The following MGAT5B variants were observed in gnomAD, a reference collection of about 807,000 sequenced individuals.
The protein encoded by MGAT5B is N-acetylglucosaminyl-transferase Vb.
A neutral mutation model predicts 95.1 loss-of-function variants in MGAT5B; 54 were observed. The observed-to-expected ratio is 0.57, with a 90% CI of 0.46 to 0.71. The LOEUF (loss-of-function observed/expected upper bound fraction) is 0.71, where lower values mean the gene tolerates loss of function less well. Ranked by LOEUF, MGAT5B falls within the 30% of genes least tolerant of loss-of-function variation. The probability of loss-of-function intolerance (pLI) is 0.00; values close to 1 mark genes in which losing one functional copy is unlikely to be tolerated. For missense variants in MGAT5B, 935 were observed against 1,088.6 expected (o/e 0.86, Z 1.99); for synonymous variants, 464 against 451.0 (o/e 1.03, Z -0.36).
intron 2 of MGAT5B, among the ~76,000 whole-genome samples, chr17:76,878,118 G>C (rs1266109319): frequency 6.6e-6 from 1 of 152,156 alleles, no homozygotes; most frequent in African/African-American, 2.4e-5. Context: ...GACAGTCCCG[G>C]GGCCAGTGGT....
At chr17:76,939,031 T>G (rs72887784) in intron 13 of MGAT5B, among the ~76,000 whole-genome samples, 4,941 of 39,940 alleles carry the variant, frequency 0.12, 105 homozygotes, top group South Asian at 0.22. Flanking sequence ...ATCTTGGGGG[T>G]GTGTGTGTGT....
chr17:76,939,987 TG>T (rs1177660247), intron 13 of MGAT5B, among the ~76,000 whole-genome samples: 10 of 152,198 alleles, frequency 6.6e-5, no homozygotes, highest in Non-Finnish European at 1.0e-4. Flanking sequence ...AGTTAGATGC[TG>T]AATAAATGTT....
chr17:76,887,045 C>CAAAACAA (rs112646019), intron 3 of MGAT5B, among the ~76,000 whole-genome samples: 9,452 of 151,408 alleles, frequency 0.062, 346 homozygotes, highest in African/African-American at 0.083. Flanking sequence ...GTCTGTCTCA[C>CAAAACAA]AAAACAAAAA....
chr17:76,882,960 G>A (rs1308598492), intron 3 of MGAT5B, among the ~76,000 whole-genome samples: 3 of 151,378 alleles, frequency 2.0e-5, no homozygotes, highest in Non-Finnish European at 4.4e-5. Context: ...TGATCCACCC[G>A]TTTGGCCTTC....
At chr17:76,943,380 C>T (rs1290612806) in intron 15 of MGAT5B, among the ~76,000 whole-genome samples, 7 of 152,078 alleles carry the variant, frequency 4.6e-5, no homozygotes, top group Non-Finnish European at 7.4e-5. Flanking sequence ...CCCACCCCTC[C>T]GCATAACAGC....
At chr17:76,936,284 C>A (rs4788960) in intron 12 of MGAT5B, among the ~76,000 whole-genome samples, 2 of 151,828 alleles carry the variant, frequency 1.3e-5, no homozygotes, top group African/African-American at 2.4e-5. Context: ...GGCGTGCGCC[C>A]GTAGTCCCAG....
At chr17:76,921,228 G>A (rs373881878) in intron 8 of MGAT5B, among the ~76,000 whole-genome samples, 5 of 152,192 alleles carry the variant, frequency 3.3e-5, no homozygotes, top group South Asian at 2.1e-4. Context: ...GGGTTTGGCC[G>A]GGACCACCTT....
At position 76,950,354 on chromosome 17, in the gene MGAT5B, T is replaced by C. The variant is rs1970167922; in HGVS notation, c.*1516T>C. 1 of 152,578 alleles carries C rather than the reference T, an allele frequency of 6.6e-6. No homozygotes were observed. Among genetic ancestry groups the C allele is most frequent in the African/African-American group, 2.4e-5 (1 of 41,454 alleles). The allele number at this position is 152,578 out of a possible 1,614,324, so 9.5% of individuals were successfully genotyped here. The stretch of plus-strand genomic sequence containing the variant: ...TTTTTTAAAGATTTATTTCTTGAAA[T>C]AATAAATATTTTATTGGGATGTGAG... On this transcript the variant is annotated 3_prime_UTR_variant, in exon 18 of 18. Coordinates refer to ENST00000569840, the MANE Select transcript of MGAT5B (RefSeq NM_001199172.2).
At chr17:76,894,745 T>G (rs1968004251) in intron 3 of MGAT5B, among the ~76,000 whole-genome samples, 1 of 151,206 alleles carries the variant, frequency 6.6e-6, no homozygotes, top group Non-Finnish European at 1.5e-5. Context: ...TCCCAGCTAC[T>G]CAGGAGGCTG....
At position 76,882,279 on chromosome 17, in the gene MGAT5B, C is replaced by T. The variant is rs139403699; in HGVS notation, c.310C>T (p.Leu104=). The T allele has an allele frequency of 2.2e-5, 35 of 1,612,268 alleles. No individual in the cohort carries two copies. The African/African-American group carries it at 4.1e-4, about 19-fold the overall frequency. Residue 104 remains leucine, a synonymous_variant, in exon 3 of 18, where the codon CTG becomes TTG. Transcript: ENST00000569840. ...SSELHRAGGD[L]HFPADRMPPG... Reference sequence around the variant, plus strand: ...TGAGCTGCACCGGGCCGGCGGCGACCTGCACTTTCCCGCAGACAGGTGAGG... The same window carrying T: ...TGAGCTGCACCGGGCCGGCGGCGACTTGCACTTTCCCGCAGACAGGTGAGG...
At chr17:76,895,797 C>T (rs997667098) in intron 3 of MGAT5B, among the ~76,000 whole-genome samples, 3 of 151,302 alleles carry the variant, frequency 2.0e-5, no homozygotes, top group African/African-American at 4.9e-5. Context: ...CTGCAACATA[C>T]GAATTTGAAG....
At position 76,948,082 on chromosome 17, in the gene MGAT5B, C is replaced by G; in HGVS notation, c.2176C>G (p.Leu726Val). 6.3e-7 allele frequency: 1 copy of G among 1,595,494 alleles called. No individual in the cohort carries two copies. The highest frequency in any genetic ancestry group is 8.5e-7 in the Non-Finnish European group (1 of 1,170,242). Residue 726 changes from leucine to valine, a missense_variant, in exon 17 of 18, where the codon CTC becomes GTC. This residue lies in a region of MGAT5B where 440 missense variants were observed against 523.6 expected (regional missense o/e 0.84). Coordinates refer to ENST00000569840, the MANE Select transcript of MGAT5B (RefSeq NM_001199172.2). Reference sequence around the variant, plus strand: ...CTTCCTGAACAGCCAGGACGCCTTCCTCAAGTGAGTGTTCCCCCACCCTCC... The same window carrying G: ...CTTCCTGAACAGCCAGGACGCCTTCGTCAAGTGAGTGTTCCCCCACCCTCC... Reference protein sequence around the residue: ...FPFLNSQDAFLKLQVPCDSTE... With the variant: ...FPFLNSQDAFVKLQVPCDSTE...
In MGAT5B at chr17:76,870,530, G is replaced by C. The variant is rs1227101516; in HGVS notation, c.68+1433G>C. Among the ~76,000 whole-genome samples the C allele has an allele frequency of 6.6e-6, 1 of 152,192 alleles. No homozygotes were observed. Among genetic ancestry groups the C allele is most frequent in the Non-Finnish European group, 1.5e-5 (1 of 68,028 alleles). ...CGGGCCGCTGGGTGTTTCCTGGCGC[G>C]ATTGGAAGCAGCCGCGAGACCCCAG... On this transcript the variant is annotated intron_variant, in intron 1 of 17. Transcript: ENST00000569840. This position sits in a 1 kb window ranked among gnomAD's most constrained non-coding sequence, Gnocchi z 5.0.
Position 76,905,058 on chromosome 17 carries a change from T to C in MGAT5B, c.691-111T>C, listed in dbSNP as rs1443749710. 135 of 1,212,558 alleles carry C rather than the reference T, an allele frequency of 1.1e-4. 1 individual carries two copies. Among genetic ancestry groups the C allele is most frequent in the Non-Finnish European group, 4.5e-6 (4 of 887,142 alleles). The allele number at this position is 1,212,558 out of a possible 1,614,324, so 75.1% of individuals were successfully genotyped here. A position where few individuals can be genotyped will look rare whatever the true frequency, so the allele number is the denominator to read the frequency against. ...GCCCCTTAGAAAGTGCAGGAGAAGC[T>C]GGAGCAGGCCCCAGCCTCATGGGAG... On this transcript the variant is annotated intron_variant, in intron 6 of 17. Coordinates refer to ENST00000569840, the MANE Select transcript of MGAT5B (RefSeq NM_001199172.2). This position sits in a 1 kb window ranked among gnomAD's most constrained non-coding sequence, Gnocchi z 4.2.
rs887672355 is a variant in MGAT5B, at chr17:76,930,646, C to T, written c.1292-1999C>T. ...GGACAGAGCTTTAGCAGTCACTGCA[C>T]TCCACACACGGCCATGGAATTGGAG... On this transcript the variant is annotated intron_variant, in intron 10 of 17. Transcript: ENST00000569840. The surrounding 1 kb of genome is among the most constrained non-coding windows in gnomAD (Gnocchi z 4.1). Among the ~76,000 whole-genome samples the T allele has an allele frequency of 2.0e-5, 3 of 152,226 alleles. No homozygotes were observed. Among genetic ancestry groups the T allele is most frequent in the African/African-American group, 7.2e-5 (3 of 41,452 alleles).
intron 3 of MGAT5B, among the ~76,000 whole-genome samples, chr17:76,897,174 C>T (rs773831400): frequency 6.6e-6 from 1 of 152,184 alleles, no homozygotes; most frequent in Non-Finnish European, 1.5e-5. Context: ...GCCTTGCCCT[C>T]CCGAAGTACT....
At chr17:76,932,063 T>C (rs1969499322) in intron 10 of MGAT5B, among the ~76,000 whole-genome samples, 1 of 140,106 alleles carries the variant, frequency 7.1e-6, no homozygotes, top group South Asian at 2.4e-4. Context: ...TCCTCCTCCT[T>C]TTTTCCTCCT....
rs1478029422 is a variant in MGAT5B at position 76,940,314 on chromosome 17, G to A, written c.1585-88G>A. 55 of 1,445,650 alleles carry A rather than the reference G, an allele frequency of 3.8e-5. No individual in the cohort carries two copies. Among genetic ancestry groups the A allele is most frequent in the African/African-American group, 5.7e-5 (4 of 70,122 alleles). The allele number at this position is 1,445,650 out of a possible 1,614,324, so 89.6% of individuals were successfully genotyped here. ...CCCAGCTGCCTCCTGTGAATATCCC[G>A]AAGCCTCACCTTGTCCCCGGCATCC... On this transcript the variant is annotated intron_variant, in intron 13 of 17. Coordinates refer to ENST00000569840, the MANE Select transcript of MGAT5B (RefSeq NM_001199172.2). This position sits in a 1 kb window ranked among gnomAD's most constrained non-coding sequence, Gnocchi z 4.3.
chr17:76,886,643 G>A (rs1189622930), intron 3 of MGAT5B, among the ~76,000 whole-genome samples: 5 of 152,176 alleles, frequency 3.3e-5, no homozygotes, highest in Admixed American at 6.5e-5. Context: ...GGCTGAGCCC[G>A]AGGGAGGTGG....
Sources: gnomAD v4.1 joint callset for allele counts (sites outside exome capture counted in the v4.1 genomes callset) on GRCh38, gnomAD v4.1.1 for gene constraint, gnomAD v4.1.1 regional missense constraint, Gnocchi (gnomAD v3.1) non-coding constraint, MANE v1.5 for transcripts, NCBI Gene and HGNC (gene_info 2026-07-23, HGNC 2026-07-21) for gene names.